The following ATP2C1 variants were observed in gnomAD, a reference collection of about 807,000 sequenced individuals.
ATP2C1 encodes the protein ATPase secretory pathway Ca2+ transporting 1, also known as calcium-transporting ATPase type 2C member 1.
A neutral mutation model predicts 120.5 loss-of-function variants in ATP2C1; 31 were observed. That is an observed-to-expected ratio of 0.26 (90% CI 0.19 to 0.35). ATP2C1 has a LOEUF of 0.35. Among genes scored for constraint, ATP2C1 ranks in the 10% least tolerant of loss-of-function variants. The pLI, the probability that ATP2C1 is intolerant of heterozygous loss-of-function variation, is 1.00. For missense variants in ATP2C1, 731 were observed against 1,107.5 expected (o/e 0.66, Z 4.83); for synonymous variants, 351 against 358.7 (o/e 0.98, Z 0.24).
intron 20 of ATP2C1, among the ~76,000 whole-genome samples, chr3:130,983,242 A>G (rs1195966868): frequency 6.6e-6 from 1 of 152,208 alleles, no homozygotes; most frequent in African/African-American, 2.4e-5. Flanking sequence ...TACCTACATT[A>G]TCTAATTTAC....
intron 1 of ATP2C1, among the ~76,000 whole-genome samples, chr3:130,867,052 G>A (rs1011765855): frequency 2.0e-5 from 3 of 152,058 alleles, no homozygotes; most frequent in Admixed American, 6.6e-5. Context: ...TGTTACTATT[G>A]TAATTGTTGT....
At chr3:130,936,139 C>T (rs852226) in intron 5 of ATP2C1, among the ~76,000 whole-genome samples, 72,048 of 151,970 alleles carry the variant, frequency 0.47, 19,100 homozygotes, top group Middle Eastern at 0.64. Flanking sequence ...CTCTTATGGG[C>T]TGGATAGCAT....
At chr3:130,899,911 TGTTA>T (rs2070000461) in intron 2 of ATP2C1, among the ~76,000 whole-genome samples, 2 of 152,160 alleles carry the variant, frequency 1.3e-5, no homozygotes, top group Non-Finnish European at 2.9e-5. Context: ...TTAATATACC[TGTTA>T]GTTGTAATTG....
rs984115099 is a variant in ATP2C1 at position 130,979,312 on chromosome 3, T to C, written c.1634T>C (p.Ile545Thr). 3 of 1,613,588 alleles carry C rather than the reference T, an allele frequency of 1.9e-6. No individual in the cohort carries two copies. In the African/African-American group the frequency reaches 4.0e-5, roughly 22 times the overall value. Residue 545 changes from isoleucine to threonine, a missense_variant, in exon 19 of 28, where the codon ATT becomes ACT. Around this residue, in one of 3 missense-constraint regions of ATP2C1, gnomAD observed 571 missense variants for 845.9 expected, o/e 0.67. Coordinates refer to ENST00000510168, the MANE Select transcript of ATP2C1 (RefSeq NM_001378687.1). ...ACATTTCTTGGCTTGGTGGGAATCATTGATCCACCTAGAACTGGTGTGAAA... is the reference window on the plus strand; with the variant it reads ...ACATTTCTTGGCTTGGTGGGAATCACTGATCCACCTAGAACTGGTGTGAAA... ...QLTFLGLVGI[I>T]DPPRTGVKEA...
Position 130,901,883 on chromosome 3 carries a change from T to C in ATP2C1, c.6+7108T>C, listed in dbSNP as rs139177940. On this transcript the variant is annotated intron_variant, in intron 2 of 27. Coordinates refer to ENST00000510168, the MANE Select transcript of ATP2C1 (RefSeq NM_001378687.1). ...TTTGCCCCCGGGGGACATTTGGCAA[T>C]GTTTAGAGAAATGCTGGGTTGTCAC... is the stretch of plus-strand genomic sequence containing the variant. Among the ~76,000 whole-genome samples, 583 of 152,112 alleles carry C rather than the reference T, an allele frequency of 3.8e-3. 1 individual carries two copies. Among genetic ancestry groups the C allele is most frequent in the Middle Eastern group, 0.014 (4 of 294 alleles).
intron 17 of ATP2C1, among the ~76,000 whole-genome samples, chr3:130,972,828 T>C (rs1385290128): frequency 2.6e-5 from 4 of 151,996 alleles, no homozygotes; most frequent in African/African-American, 7.3e-5. Context: ...TATTCCATGG[T>C]GTATTAAATA....
intron 1 of ATP2C1, among the ~76,000 whole-genome samples, chr3:130,864,946 T>C (rs2068120539): frequency 6.6e-6 from 1 of 152,112 alleles, no homozygotes. Context: ...GGGCACTGCC[T>C]AGTGGAGCTG....
chr3:130,987,044 A>G (rs958979867), intron 20 of ATP2C1, among the ~76,000 whole-genome samples: 20 of 151,308 alleles, frequency 1.3e-4, no homozygotes, highest in African/African-American at 1.2e-4. Flanking sequence ...GGCCCAAGCT[A>G]TCCTCTGCCT....
chr3:130,985,048 C>T (rs1186798760), intron 20 of ATP2C1, among the ~76,000 whole-genome samples: 1 of 152,170 alleles, frequency 6.6e-6, no homozygotes, highest in Non-Finnish European at 1.5e-5. Context: ...AACTGTGGGT[C>T]ATTTTTATCT....
chr3:130,987,186 G>T (rs145118056), intron 20 of ATP2C1, among the ~76,000 whole-genome samples: 205 of 151,990 alleles, frequency 1.3e-3, no homozygotes, highest in Admixed American at 4.3e-3. Flanking sequence ...TGCAGAAATG[G>T]AGTCTCACCA....
intron 1 of ATP2C1, among the ~76,000 whole-genome samples, chr3:130,874,796 T>A (rs1313175532): frequency 6.6e-6 from 1 of 152,196 alleles, no homozygotes; most frequent in Non-Finnish European, 1.5e-5. Context: ...GCATTCAGAA[T>A]CATTGAAAAG....
intron 20 of ATP2C1, among the ~76,000 whole-genome samples, chr3:130,983,629 T>C (rs562643367): frequency 6.6e-6 from 1 of 152,368 alleles, no homozygotes; most frequent in South Asian, 2.1e-4. Context: ...CAGGGTAGTT[T>C]CATTGCCCTG....
intron 2 of ATP2C1, among the ~76,000 whole-genome samples, chr3:130,911,056 T>G (rs985394527): frequency 6.6e-6 from 1 of 152,026 alleles, no homozygotes; most frequent in African/African-American, 2.4e-5. Flanking sequence ...TGATAGAATT[T>G]GGCTGTGAAT....
intron 5 of ATP2C1, among the ~76,000 whole-genome samples, chr3:130,936,340 T>A (rs1318672236): frequency 6.6e-6 from 1 of 152,084 alleles, no homozygotes; most frequent in Non-Finnish European, 1.5e-5. Flanking sequence ...AAATCTGAAA[T>A]GGTAAAAGAT....
At chr3:130,967,465 C>G (rs1230911835) in intron 16 of ATP2C1, 46 bp downstream of exon 16, 2 of 1,481,832 alleles carry the variant, frequency 1.3e-6, no homozygotes, top group South Asian at 1.1e-5. Flanking sequence ...ACACTGCCCT[C>G]ACAACAGAAT....
At chr3:130,855,109 C>A (rs879610334) in intron 1 of ATP2C1, among the ~76,000 whole-genome samples, 8 of 152,170 alleles carry the variant, frequency 5.3e-5, no homozygotes, top group Non-Finnish European at 8.8e-5. Flanking sequence ...ATTGAATTCT[C>A]CATCTTCACC....
At chr3:130,859,217 A>C (rs1321711931) in intron 1 of ATP2C1, among the ~76,000 whole-genome samples, 3 of 152,184 alleles carry the variant, frequency 2.0e-5, no homozygotes, top group African/African-American at 7.2e-5. Flanking sequence ...AGTGGTAAAT[A>C]CTCCATAGTC....
chr3:130,975,283 G>A, intron 17 of ATP2C1, 49 bp from the exon 18 acceptor site: 2 of 1,586,500 alleles, frequency 1.3e-6, no homozygotes, highest in Non-Finnish European at 1.7e-6. Context: ...CCAATGGCAG[G>A]TAAGTACAAG....
intron 14 of ATP2C1, among the ~76,000 whole-genome samples, chr3:130,965,951 A>G (rs377065143): frequency 1.3e-5 from 2 of 152,146 alleles, no homozygotes; most frequent in African/African-American, 4.8e-5. Flanking sequence ...TTATATATTG[A>G]TACATTGTCT....
Sources: gnomAD v4.1 joint callset for allele counts (sites outside exome capture counted in the v4.1 genomes callset) on GRCh38, gnomAD v4.1.1 for gene constraint, gnomAD v4.1.1 regional missense constraint, MANE v1.5 for transcripts, NCBI Gene and HGNC (gene_info 2026-07-23, HGNC 2026-07-21) for gene names.